The following NPHS1 variants were observed in gnomAD, a reference collection of about 807,000 sequenced individuals.
The protein encoded by NPHS1 is nephrin.
In NPHS1, 107 loss-of-function variants were observed where a neutral mutation model predicts 139.7. The ratio of observed to expected loss-of-function variants is 0.77; its 90% CI spans 0.66 to 0.90. The LOEUF is 0.90. NPHS1 is among the 40% of genes least tolerant of loss of function. The pLI is 0.00. For synonymous variants in NPHS1, 707 were observed against 706.6 expected (o/e 1.00, Z -0.01); for missense variants, 1,580 against 1,654.2 (o/e 0.96, Z 0.78).
Position 35,831,160 on chromosome 19 carries a change from G to A in NPHS1, c.3388-14C>T, listed in dbSNP as rs371907999. ...TGTTGTGCTGACCTGTTCCCCACAC[G>A]CAAAACAAACAAAGCCCTTTCCATC... On this transcript the variant is annotated splice_polypyrimidine_tract_variant and intron_variant, in intron 26 of 28. Coordinates refer to ENST00000378910, the MANE Select transcript of NPHS1 (RefSeq NM_004646.4). 93 of 1,613,148 alleles carry A rather than the reference G, an allele frequency of 5.8e-5. 1 individual carries two copies. The Middle Eastern group carries it at 4.0e-3, about 70-fold the overall frequency.
chr19:35,826,773 A>T, intron 28 of NPHS1, 128 bp from the exon 29 acceptor site: 1 of 994,182 alleles, frequency 1.0e-6, no homozygotes, highest in East Asian at 2.4e-5. Context: ...TAAAATCCCA[A>T]CATATACAAA....
At chr19:35,844,574 G>T in intron 14 of NPHS1, 115 bp from the exon 15 acceptor site, 4 of 1,111,038 alleles carry the variant, frequency 3.6e-6, no homozygotes, top group East Asian at 2.6e-5. Context: ...GGGGTTTAAG[G>T]TTGTGGACAA....
At chr19:35,850,270 C>G in intron 5 of NPHS1, 94 bp downstream of exon 5, 1 of 985,030 alleles carries the variant, frequency 1.0e-6, no homozygotes, top group South Asian at 1.3e-5. Context: ...GATGTTCATA[C>G]CTAGCCCAAG....
chr19:35,845,911 G>A lies in NPHS1; in HGVS notation c.1627+97C>T. 1 of 1,521,570 alleles carries A rather than the reference G, an allele frequency of 6.6e-7. No homozygotes were observed. Among genetic ancestry groups the A allele is most frequent in the Non-Finnish European group, 8.8e-7 (1 of 1,130,874 alleles). 94.3% of individuals were successfully genotyped at this position (1,521,570 alleles called of 1,614,324 possible). On this transcript the variant is annotated intron_variant, in intron 12 of 28. Coordinates refer to ENST00000378910, the MANE Select transcript of NPHS1 (RefSeq NM_004646.4). This position sits in a 1 kb window ranked among gnomAD's most constrained non-coding sequence, Gnocchi z 5.5. ...GTCTCGGGTCCCCCACCCCGCCTCC[G>A]CCCGCTTTCCCCGGGTCCAGGGTTC...
intron 11 of NPHS1, among the ~76,000 whole-genome samples, chr19:35,846,453 C>T (rs1358356095): frequency 1.3e-5 from 2 of 152,208 alleles, no homozygotes; most frequent in South Asian, 2.1e-4. Context: ...CGCCTTCTGT[C>T]CCACACCCAA....
Position 35,826,212 on chromosome 19 carries a change from G to T in NPHS1, c.*302C>A, listed in dbSNP as rs968264942. ...TCCACCCGCCTCAGCCTCCCAAAGT[G>T]CTGGGATTATAGGCGTGAGTCACCG... is the stretch of plus-strand genomic sequence containing the variant. On this transcript the variant is annotated 3_prime_UTR_variant, in exon 29 of 29. Transcript: ENST00000378910. The T allele has an allele frequency of 2.9e-4, 99 of 347,284 alleles. 1 individual carries two copies. The highest frequency in any genetic ancestry group is 7.8e-5 in the Non-Finnish European group (14 of 178,678). The allele number at this position is 347,284 out of a possible 1,614,324, so 21.5% of individuals were successfully genotyped here. A position where few individuals can be genotyped will look rare whatever the true frequency, so the allele number is the denominator to read the frequency against.
chr19:35,833,369 T>C (rs998442182), intron 23 of NPHS1, among the ~76,000 whole-genome samples: 18 of 152,174 alleles, frequency 1.2e-4, no homozygotes, highest in African/African-American at 4.3e-4. Context: ...CTCCCCAATC[T>C]CAGTCTTGGG....
At chr19:35,838,752 C>T (rs1203413305) in intron 22 of NPHS1, among the ~76,000 whole-genome samples, 1 of 151,938 alleles carries the variant, frequency 6.6e-6, no homozygotes, top group Non-Finnish European at 1.5e-5. Context: ...AAGACTGAGT[C>T]AAGAGAATTG....
At chr19:35,839,178 C>T in intron 22 of NPHS1, 59 bp downstream of exon 22, 9 of 1,512,172 alleles carry the variant, frequency 6.0e-6, no homozygotes, top group Non-Finnish European at 7.4e-6. Flanking sequence ...TTGACTTCAC[C>T]ATACTACCCT....
chr19:35,851,124 A>G, intron 3 of NPHS1, 35 bp from the exon 4 acceptor site: 1 of 1,614,020 alleles, frequency 6.2e-7, no homozygotes, highest in Non-Finnish European at 8.5e-7. Context: ...AGCTTCCAGC[A>G]CTGAGAAGGA....
At position 35,842,406 on chromosome 19, in the gene NPHS1, G is replaced by A. The variant is rs140018064; in HGVS notation, c.2479C>T (p.Arg827Ter). Residue 827 changes from arginine to a stop codon, truncating the protein, a stop_gained, in exon 18 of 29, where the codon CGA becomes TGA. Transcript: ENST00000378910. LOFTEE classifies it high-confidence loss of function. The stretch of plus-strand genomic sequence containing the variant: ...CTGACAACAAGACGGAGCAGCCGTC[G>A]TGCTGGAGGCGCCACCCCATTGTCC... ...IVDNGVAPPARRLLRLVVRFA... is the reference protein window; with the variant it reads ...IVDNGVAPPA The A allele has an allele frequency of 2.2e-5, 36 of 1,613,982 alleles. No homozygotes were observed. Among genetic ancestry groups the A allele is most frequent in the African/African-American group, 5.3e-5 (4 of 74,904 alleles).
Position 35,848,439 on chromosome 19 carries a change from C to T in NPHS1, c.1171-42G>A, listed in dbSNP as rs763339743. ...TTCAGACGTGGGGACTGCAGCACCC[C>T]TATCCATCGTGCTAGAGGCCTGAGT... is the stretch of plus-strand genomic sequence containing the variant. On this transcript the variant is annotated intron_variant, in intron 9 of 28. Transcript: ENST00000378910. 6 of 1,613,708 alleles carry T rather than the reference C, an allele frequency of 3.7e-6. No homozygotes were observed. In the South Asian group the frequency reaches 6.6e-5, roughly 18 times the overall value.
At chr19:35,841,095 A>G (rs533780180) in intron 20 of NPHS1, among the ~76,000 whole-genome samples, 2 of 151,728 alleles carry the variant, frequency 1.3e-5, no homozygotes, top group Non-Finnish European at 2.9e-5. Context: ...CAGACGTAAG[A>G]ATGAAGAGGG....
chr19:35,835,199 C>CAAAAAAAAAAAAAAAAAAAAGAAAA (rs1972940276), intron 23 of NPHS1, among the ~76,000 whole-genome samples: 1 of 71,212 alleles, frequency 1.4e-5, no homozygotes, highest in Non-Finnish European at 2.5e-5. Context: ...GACTCTGTCT[C>CAAAAAAAAAAAAAAAAAAAAGAAAA]AAAAAAAAAA....
Position 35,849,464 on chromosome 19 carries a change from A to T in NPHS1, c.712+86T>A, listed in dbSNP as rs1973196304. 6 of 1,597,654 alleles carry T rather than the reference A, an allele frequency of 3.8e-6. 1 individual carries two copies. The East Asian group carries it at 6.7e-5, about 18-fold the overall frequency. On this transcript the variant is annotated intron_variant, in intron 6 of 28. Transcript: ENST00000378910. ...CCCCCATGTTTCTCTGAGTGCCTGA[A>T]TTTCCATAATCCCTGTGATCCCCCC...
At position 35,851,211 on chromosome 19, in the gene NPHS1, G is replaced by A. The variant is rs1173070965; in HGVS notation, c.397+51C>T. On this transcript the variant is annotated intron_variant, in intron 3 of 28. Transcript: ENST00000378910. Reference sequence around the variant, plus strand: ...CTTGGACTTCCGGGTTGCGGGGTAGGGGAGGGCTTGAAGCCCAGACTCATG... The same window carrying A: ...CTTGGACTTCCGGGTTGCGGGGTAGAGGAGGGCTTGAAGCCCAGACTCATG... 1.9e-6 allele frequency: 3 copies of A among 1,613,456 alleles called. No individual in the cohort carries two copies. The African/African-American group carries it at 4.0e-5, about 22-fold the overall frequency.
intron 28 of NPHS1, among the ~76,000 whole-genome samples, chr19:35,828,714 G>A (rs1385362106): frequency 6.6e-6 from 1 of 152,246 alleles, no homozygotes; most frequent in African/African-American, 2.4e-5. Flanking sequence ...GTCTATGGCT[G>A]CTTTTACTTT....
At chr19:35,844,022 G>A in intron 16 of NPHS1, 81 bp downstream of exon 16, 1 of 1,558,424 alleles carries the variant, frequency 6.4e-7, no homozygotes, top group Admixed American at 1.7e-5. Context: ...CCCTGGGTGG[G>A]CGGAGCTCCC....
At position 35,849,543 on chromosome 19, in the gene NPHS1, C is replaced by T; in HGVS notation, c.712+7G>A. The T allele has an allele frequency of 6.2e-7, 1 of 1,612,242 alleles. No individual in the cohort carries two copies. The highest frequency in any genetic ancestry group is 8.5e-7 in the Non-Finnish European group (1 of 1,178,304). The stretch of plus-strand genomic sequence containing the variant: ...CAGCGCCCTAGTTGGCCCAGTTCTC[C>T]ACTTACACAGAACATTCACGGTGAA... On this transcript the variant is annotated splice_region_variant and intron_variant, in intron 6 of 28. Coordinates refer to ENST00000378910, the MANE Select transcript of NPHS1 (RefSeq NM_004646.4).
Sources: allele counts gnomAD v4.1 joint callset (sites outside exome capture counted in the v4.1 genomes callset), GRCh38; gene constraint gnomAD v4.1.1; non-coding constraint Gnocchi (gnomAD v3.1); transcripts MANE v1.5; gene names NCBI Gene and HGNC (gene_info 2026-07-23, HGNC 2026-07-21).